The following NCAM2 variants were observed in gnomAD, a reference collection of about 807,000 sequenced individuals.
The protein encoded by NCAM2 is N-CAM-2.
A neutral mutation model predicts 98.1 loss-of-function variants in NCAM2; 30 were observed. The observed-to-expected ratio is 0.31, with a 90% CI of 0.23 to 0.41. NCAM2 has a LOEUF of 0.41. NCAM2 is among the 10% of genes least tolerant of loss of function. NCAM2 has a pLI of 1.00. For synonymous variants in NCAM2, 368 were observed against 342.4 expected, an observed-to-expected ratio of 1.07 and a Z score of -0.83; for missense variants, 867 against 1,005.8, an observed-to-expected ratio of 0.86 and a Z score of 1.87.
intron 1 of NCAM2, among the ~76,000 whole-genome samples, chr21:21,276,564 G>A (rs1043064100): frequency 1.3e-5 from 2 of 151,912 alleles, no homozygotes; most frequent in African/African-American, 4.8e-5. Context: ...TTGACATTAG[G>A]AAACAATTTA....
At chr21:21,406,121 C>T (rs58297191) in intron 9 of NCAM2, among the ~76,000 whole-genome samples, 12,604 of 152,086 alleles carry the variant, frequency 0.083, 1,214 homozygotes, top group African/African-American at 0.23. Context: ...CTGTTAAAAA[C>T]TGTAAGGAAG....
At chr21:21,489,916 A>G (rs1986705728) in intron 15 of NCAM2, among the ~76,000 whole-genome samples, 1 of 81,724 alleles carries the variant, frequency 1.2e-5, no homozygotes, top group African/African-American at 4.9e-5. Flanking sequence ...TTTAAATACA[A>G]AGTTGTATTA....
At chr21:21,061,204 G>A (rs139418340) in intron 1 of NCAM2, among the ~76,000 whole-genome samples, 222 of 152,176 alleles carry the variant, frequency 1.5e-3, no homozygotes, top group Non-Finnish European at 2.4e-3. Context: ...TGATATTTCC[G>A]TTCTAAAAGA....
intron 5 of NCAM2, 21 bp downstream of exon 5, chr21:21,292,262 A>G: frequency 6.3e-7 from 1 of 1,595,230 alleles, no homozygotes; most frequent in Non-Finnish European, 8.5e-7. Context: ...AATAATTTGT[A>G]CATGTTTTAT....
At chr21:21,106,696 A>G (rs573553000) in intron 1 of NCAM2, among the ~76,000 whole-genome samples, 4 of 151,886 alleles carry the variant, frequency 2.6e-5, no homozygotes, top group Non-Finnish European at 5.9e-5. Flanking sequence ...AATGATGGGA[A>G]AAAGTAAAAC....
intron 5 of NCAM2, among the ~76,000 whole-genome samples, chr21:21,314,416 A>G (rs1345783010): frequency 2.0e-5 from 3 of 151,880 alleles, no homozygotes; most frequent in African/African-American, 7.3e-5. Flanking sequence ...GTGTTTGTAT[A>G]TTTTTGGTTT....
chr21:21,202,756 A>G (rs1248651007), intron 1 of NCAM2, among the ~76,000 whole-genome samples: 1 of 152,124 alleles, frequency 6.6e-6, no homozygotes, highest in Admixed American at 6.5e-5. Flanking sequence ...TTAATTTTGA[A>G]TAGGTTGAAC....
At chr21:21,478,236 C>A (rs1482256491) in intron 15 of NCAM2, among the ~76,000 whole-genome samples, 2 of 151,942 alleles carry the variant, frequency 1.3e-5, no homozygotes, top group African/African-American at 2.4e-5. Context: ...CATTTATTTT[C>A]CCTCAGTTAT....
intron 1 of NCAM2, among the ~76,000 whole-genome samples, chr21:21,204,625 C>G (rs949087272): frequency 2.0e-5 from 3 of 152,012 alleles, no homozygotes; most frequent in African/African-American, 7.2e-5. Flanking sequence ...AACACAGATC[C>G]CTTAGTTTCT....
chr21:21,162,457 C>T (rs1397797321), intron 1 of NCAM2, among the ~76,000 whole-genome samples: 1 of 152,022 alleles, frequency 6.6e-6, no homozygotes, highest in South Asian at 2.1e-4. Context: ...GTGCTTAAAA[C>T]TTTGTTTAAA....
At chr21:21,348,954 TA>T (rs1373502704) in intron 8 of NCAM2, among the ~76,000 whole-genome samples, 12 of 152,126 alleles carry the variant, frequency 7.9e-5, no homozygotes, top group African/African-American at 2.9e-4. Flanking sequence ...ATTAAAGACT[TA>T]AATCTAAGAC....
chr21:21,005,386 A>T (rs1463230566), intron 1 of NCAM2, among the ~76,000 whole-genome samples: 3 of 152,194 alleles, frequency 2.0e-5, no homozygotes, highest in East Asian at 3.8e-4. Flanking sequence ...TAACAGAAAA[A>T]AAAGGTTATA....
At chr21:21,503,193 C>G (rs1267388422) in intron 15 of NCAM2, among the ~76,000 whole-genome samples, 1 of 151,930 alleles carries the variant, frequency 6.6e-6, no homozygotes, top group Non-Finnish European at 1.5e-5. Context: ...CCTACATATA[C>G]AGATTTTCCT....
At chr21:21,286,727 T>C (rs932087477) in intron 4 of NCAM2, among the ~76,000 whole-genome samples, 9 of 151,782 alleles carry the variant, frequency 5.9e-5, no homozygotes, top group Admixed American at 2.0e-4. Flanking sequence ...TAAAAAAATG[T>C]ACAATCGTTA....
chr21:21,509,855 C>T (rs73218017), intron 16 of NCAM2, among the ~76,000 whole-genome samples: 1,664 of 152,184 alleles, frequency 0.011, 15 homozygotes, highest in Non-Finnish European at 0.016. Flanking sequence ...TATGCACACA[C>T]GTTTGTGTGT....
intron 1 of NCAM2, among the ~76,000 whole-genome samples, chr21:21,266,154 A>C (rs2072263360): frequency 6.6e-6 from 1 of 152,112 alleles, no homozygotes; most frequent in Admixed American, 6.6e-5. Context: ...ACCCTTTCAA[A>C]AATATGAGTA....
intron 1 of NCAM2, among the ~76,000 whole-genome samples, chr21:21,149,377 T>G (rs1418873395): frequency 6.6e-6 from 1 of 152,194 alleles, no homozygotes; most frequent in Non-Finnish European, 1.5e-5. Flanking sequence ...AGATCTCTTT[T>G]AACTTCAGGA....
intron 1 of NCAM2, among the ~76,000 whole-genome samples, chr21:21,220,884 C>T (rs1438964043): frequency 6.6e-6 from 1 of 152,216 alleles, no homozygotes; most frequent in Non-Finnish European, 1.5e-5. Flanking sequence ...TGTTTTATTA[C>T]ACCATGCTAA....
intron 12 of NCAM2, among the ~76,000 whole-genome samples, chr21:21,443,981 A>C (rs1289363675): frequency 6.6e-6 from 1 of 152,170 alleles, no homozygotes. Context: ...TGGGTTTGTC[A>C]TAAATAGCTC....
Sources: gnomAD v4.1 joint callset for allele counts (sites outside exome capture counted in the v4.1 genomes callset) on GRCh38, gnomAD v4.1.1 for gene constraint, MANE v1.5 for transcripts, NCBI Gene and HGNC (gene_info 2026-07-23, HGNC 2026-07-21) for gene names.